HS1BP3: variants seen among roughly 807,000 people sequenced by gnomAD.
HS1BP3 encodes HCLS1-binding protein 3.
A neutral mutation model predicts 33.5 loss-of-function variants in HS1BP3; 32 were observed. That is an observed-to-expected ratio of 0.95 (90% confidence interval 0.72 to 1.28). The LOEUF is 1.28. HS1BP3 is among the 50% of genes most tolerant of loss of function. The probability of loss-of-function intolerance (pLI) is 0.00; values close to 1 mark genes in which losing one functional copy is unlikely to be tolerated. For missense variants in HS1BP3, 486 were observed against 502.3 expected (o/e 0.97, Z 0.31); for synonymous variants, 187 against 209.2 (o/e 0.89, Z 0.92).
chr2:20,589,978 G>T (rs73235161), downstream of HS1BP3, among the ~76,000 whole-genome samples: 1 of 152,174 alleles, frequency 6.6e-6, no homozygotes, highest in Non-Finnish European at 1.5e-5. Flanking sequence ...TCAGTTCATT[G>T]CTGTGTCCAG....
At chr2:20,612,238 T>A (rs1007798502) in intron 2 of HS1BP3, among the ~76,000 whole-genome samples, 1 of 152,218 alleles carries the variant, frequency 6.6e-6, no homozygotes, top group Admixed American at 6.5e-5. Context: ...TTGGCTCACA[T>A]TTTTAATCTC....
chr2:20,589,184 G>A (rs1693752344), downstream of HS1BP3, among the ~76,000 whole-genome samples: 1 of 152,196 alleles, frequency 6.6e-6, no homozygotes, highest in Non-Finnish European at 1.5e-5. Flanking sequence ...TGCATCCCCA[G>A]TCTGAGCCTT....
chr2:20,595,636 C>T (rs1248376045), intron 3 of HS1BP3, among the ~76,000 whole-genome samples: 1 of 152,240 alleles, frequency 6.6e-6, no homozygotes, highest in Admixed American at 6.5e-5. Flanking sequence ...CCTTCCTCGA[C>T]ATGGCTGGTT....
chr2:20,626,989 G>A (rs911455856), intron 4 of HS1BP3, among the ~76,000 whole-genome samples: 8 of 152,182 alleles, frequency 5.3e-5, no homozygotes, highest in Admixed American at 4.6e-4. Flanking sequence ...GCTGACCCCA[G>A]CCAAGACCCA....
intron 4 of HS1BP3, among the ~76,000 whole-genome samples, chr2:20,625,287 G>A (rs12476211): frequency 0.3 from 45,686 of 152,188 alleles, 7,373 homozygotes; most frequent in East Asian, 0.59. Flanking sequence ...TGCCAGGACC[G>A]GGCACCAGCT....
Position 20,638,305 on chromosome 2 carries a change from C to T in HS1BP3, c.623+131G>A, listed in dbSNP as rs116034793. ...CCCCCAACACACCAGGCCAAGGCCT[C>T]GTGGCCCAGATCCCTGCGAGGGGGC... On this transcript the variant is annotated intron_variant, in intron 4 of 6. Coordinates refer to ENST00000304031, the MANE Select transcript of HS1BP3 (RefSeq NM_022460.4). The T allele has an allele frequency of 1.6e-3, 1,269 of 806,266 alleles. 13 individuals are homozygous for T. The African/African-American group carries it at 0.02, about 12-fold the overall frequency. The allele number at this position is 806,266 out of a possible 1,614,324, so 49.9% of individuals were successfully genotyped here.
chr2:20,561,866 A>G (rs528472714), intron 5 of HS1BP3, among the ~76,000 whole-genome samples: 1 of 152,268 alleles, frequency 6.6e-6, no homozygotes, highest in South Asian at 2.1e-4. Flanking sequence ...AGGGCTGATT[A>G]CCAGAAAGAA....
rs527980909 is a variant in HS1BP3, at chr2:20,650,880, G to A, written c.32+152C>T. The A allele has an allele frequency of 1.6e-5, 9 of 575,824 alleles. No homozygotes were observed. The South Asian group carries it at 6.3e-4, about 40-fold the overall frequency. The allele number at this position is 575,824 out of a possible 1,614,324, so 35.7% of individuals were successfully genotyped here. Reference sequence around the variant, plus strand: ...GGGGTCGCCACCTCTCCTGCAGGGCGGTGCAGGGGCCCAGCCCGGATAAGC... The same window carrying A: ...GGGGTCGCCACCTCTCCTGCAGGGCAGTGCAGGGGCCCAGCCCGGATAAGC... On this transcript the variant is annotated intron_variant, in intron 1 of 6. Coordinates refer to ENST00000304031, the MANE Select transcript of HS1BP3 (RefSeq NM_022460.4).
chr2:20,561,826 A>G (rs559451190), intron 5 of HS1BP3, among the ~76,000 whole-genome samples: 1 of 152,240 alleles, frequency 6.6e-6, no homozygotes, highest in East Asian at 1.9e-4. Flanking sequence ...GTGACTCATG[A>G]CTTGGGGGCC....
At chr2:20,616,185 C>A (rs182533300), downstream of HS1BP3, among the ~76,000 whole-genome samples, 8 of 152,354 alleles carry the variant, frequency 5.3e-5, no homozygotes, top group East Asian at 1.2e-3. Context: ...CCTGAGCAGA[C>A]CTTCTCAGAA....
At chr2:20,557,422 T>A (rs1692866580), downstream of HS1BP3, among the ~76,000 whole-genome samples, 1 of 152,232 alleles carries the variant, frequency 6.6e-6, no homozygotes, top group African/African-American at 2.4e-5. Flanking sequence ...TGATCTCTGT[T>A]GGGCCACTTT....
At chr2:20,613,317 C>T (rs1281805536), downstream of HS1BP3, among the ~76,000 whole-genome samples, 1 of 152,258 alleles carries the variant, frequency 6.6e-6, no homozygotes, top group Non-Finnish European at 1.5e-5. Context: ...AGCTCCCATG[C>T]TCCGGAAGCC....
At chr2:20,575,051 T>TA (rs1347756201) in intron 5 of HS1BP3, among the ~76,000 whole-genome samples, 7 of 152,372 alleles carry the variant, frequency 4.6e-5, no homozygotes, top group African/African-American at 9.6e-5. Context: ...CCTAGCTCAT[T>TA]AATGCAGACA....
chr2:20,601,045 G>T (rs1694059918), intron 2 of HS1BP3, among the ~76,000 whole-genome samples: 1 of 152,142 alleles, frequency 6.6e-6, no homozygotes, highest in African/African-American at 2.4e-5. Context: ...ACATTGACCA[G>T]TGTATAAGAA....
At chr2:20,599,390 C>G (rs991930532) in intron 2 of HS1BP3, among the ~76,000 whole-genome samples, 1 of 152,226 alleles carries the variant, frequency 6.6e-6, no homozygotes, top group East Asian at 1.9e-4. Flanking sequence ...GGCTCGTGCC[C>G]AGTTAGGGAC....
intron 4 of HS1BP3, among the ~76,000 whole-genome samples, chr2:20,629,442 G>A (rs1199411687): frequency 6.6e-6 from 1 of 152,228 alleles, no homozygotes; most frequent in Admixed American, 6.5e-5. Context: ...ATGGAGGAAG[G>A]GTGCCCTCTT....
At chr2:20,578,460 A>T (rs1319231610) in intron 5 of HS1BP3, among the ~76,000 whole-genome samples, 1 of 152,338 alleles carries the variant, frequency 6.6e-6, no homozygotes, top group East Asian at 1.9e-4. Flanking sequence ...TGATGACACC[A>T]TCTTTGGCCC....
downstream of HS1BP3, among the ~76,000 whole-genome samples, chr2:20,614,328 C>T (rs1217855629): frequency 1.3e-5 from 2 of 152,214 alleles, no homozygotes; most frequent in Admixed American, 1.3e-4. Flanking sequence ...GTTTATGGTG[C>T]TTTGCCAAGG....
chr2:20,649,182 G>T (rs538571723), intron 1 of HS1BP3, among the ~76,000 whole-genome samples: 1 of 152,064 alleles, frequency 6.6e-6, no homozygotes, highest in African/African-American at 2.4e-5. Context: ...CAGCCTTCTC[G>T]GCCTTTCCTG....
Sources: allele counts gnomAD v4.1 joint callset (sites outside exome capture counted in the v4.1 genomes callset), GRCh38; gene constraint gnomAD v4.1.1; transcripts MANE v1.5; gene names NCBI Gene and HGNC (gene_info 2026-07-23, HGNC 2026-07-21).